The following KLHL1 variants were observed in gnomAD, a reference collection of about 807,000 sequenced individuals.
KLHL1 encodes the protein kelch like family member 1.
In KLHL1, 47 loss-of-function variants were observed where a neutral mutation model predicts 77.7. The observed-to-expected ratio is 0.60, with a 90% CI of 0.48 to 0.77. The LOEUF (loss-of-function observed/expected upper bound fraction) is 0.77, where lower values mean the gene tolerates loss of function less well. KLHL1 is among the 30% of genes least tolerant of loss of function. The pLI is 0.00. For synonymous variants in KLHL1, 360 were observed against 325.2 expected (o/e 1.11, Z -1.15); for missense variants, 925 against 910.8 (o/e 1.02, Z -0.20).
At chr13:69,722,820 G>A (rs1118695) in intron 8 of KLHL1, among the ~76,000 whole-genome samples, 134,000 of 151,994 alleles carry the variant, frequency 0.88, 59,349 homozygotes, top group East Asian at 0.99. Context: ...ACTACTTGGT[G>A]TATATTCAAA....
chr13:69,922,452 G>A (rs548156639), intron 4 of KLHL1, among the ~76,000 whole-genome samples: 10 of 118,364 alleles, frequency 8.4e-5, no homozygotes, highest in Non-Finnish European at 1.7e-4. Flanking sequence ...GTAGGTCCGA[G>A]TTTATAAAAA....
chr13:69,757,454 A>C (rs535462765), intron 7 of KLHL1, among the ~76,000 whole-genome samples: 1 of 152,300 alleles, frequency 6.6e-6, no homozygotes, highest in South Asian at 2.1e-4. Flanking sequence ...AAGGTTAAGC[A>C]TCATGTATTA....
chr13:69,964,056 T>TTTG (rs1566451510), intron 2 of KLHL1, among the ~76,000 whole-genome samples: 1 of 151,176 alleles, frequency 6.6e-6, no homozygotes, highest in African/African-American at 2.4e-5. Flanking sequence ...TTTGTTTGTT[T>TTTG]TTTTAAAAAT....
chr13:69,831,987 A>C (rs1878780431), intron 6 of KLHL1, among the ~76,000 whole-genome samples: 1 of 150,218 alleles, frequency 6.7e-6, no homozygotes, highest in African/African-American at 2.5e-5. Flanking sequence ...CCCACAGTCA[A>C]CATTATACTG....
chr13:70,008,347 G>C (rs1197643078), intron 1 of KLHL1, among the ~76,000 whole-genome samples: 1 of 151,934 alleles, frequency 6.6e-6, no homozygotes, highest in Non-Finnish European at 1.5e-5. Flanking sequence ...GTGCCTCATA[G>C]CTTGATTTCA....
At chr13:70,075,569 G>GTGTGTGTATATATATATA (rs761519216) in intron 1 of KLHL1, among the ~76,000 whole-genome samples, 3 of 106,664 alleles carry the variant, frequency 2.8e-5, no homozygotes, top group African/African-American at 1.1e-4. Flanking sequence ...GTGTGTATGT[G>GTGTGTGTATATATATATA]TATATATATA....
In KLHL1 at chr13:69,701,710, G is replaced by C. The variant is rs762261196; in HGVS notation, c.2239C>G (p.Gln747Glu). Residue 747 changes from glutamine (Q) to glutamate (E), a missense_variant, in exon 11 of 11, where the codon CAA (glutamine) becomes GAA (glutamate). Gln to Glu is a conservative substitution (Grantham distance 29). Coordinates refer to ENST00000377844, the MANE Select transcript of KLHL1 (RefSeq NM_020866.3). ...RAGACVVVIKQP is the reference protein window; with the variant it reads ...RAGACVVVIKEP Reference sequence around the variant, plus strand: ...AGTAAAATATCAATAAGTCAAGGTTGCTTGATGACTACCACACAGGCACCT... The same window carrying C: ...AGTAAAATATCAATAAGTCAAGGTTCCTTGATGACTACCACACAGGCACCT... 6 of 1,606,734 alleles carry C rather than the reference G, an allele frequency of 3.7e-6. No individual in the cohort carries two copies. Among genetic ancestry groups the C allele is most frequent in the Non-Finnish European group, 5.1e-6 (6 of 1,175,280 alleles).
intron 6 of KLHL1, among the ~76,000 whole-genome samples, chr13:69,798,381 TA>T (rs1877222817): frequency 6.6e-6 from 1 of 152,148 alleles, no homozygotes; most frequent in Non-Finnish European, 1.5e-5. Context: ...CTAATTAAAG[TA>T]AAAACGATAC....
At chr13:69,870,175 A>T (rs948140176) in intron 5 of KLHL1, among the ~76,000 whole-genome samples, 1 of 152,192 alleles carries the variant, frequency 6.6e-6, no homozygotes, top group Non-Finnish European at 1.5e-5. Context: ...TGGCATGAGC[A>T]TCTGCTTTAG....
chr13:69,705,309 A>G (rs1009011749), intron 10 of KLHL1, among the ~76,000 whole-genome samples: 1 of 151,738 alleles, frequency 6.6e-6, no homozygotes, highest in African/African-American at 2.4e-5. Flanking sequence ...ACGTGTATCT[A>G]TACATATGGT....
chr13:69,879,534 A>T (rs1464742917), intron 5 of KLHL1, among the ~76,000 whole-genome samples: 1 of 152,170 alleles, frequency 6.6e-6, no homozygotes, highest in African/African-American at 2.4e-5. Flanking sequence ...ATCATTCGAA[A>T]AAAAGCATGG....
intron 1 of KLHL1, among the ~76,000 whole-genome samples, chr13:70,029,257 T>G (rs528493096): frequency 2.3e-4 from 35 of 152,214 alleles, no homozygotes; most frequent in African/African-American, 7.7e-4. Flanking sequence ...TGGAAATGGC[T>G]GAATATATGG....
chr13:70,017,543 C>A (rs763457866), intron 1 of KLHL1, among the ~76,000 whole-genome samples: 1 of 152,242 alleles, frequency 6.6e-6, no homozygotes, highest in African/African-American at 2.4e-5. Flanking sequence ...ACACCCCTCA[C>A]TGCTCCACAC....
chr13:69,712,231 G>T (rs1200713744), intron 9 of KLHL1, among the ~76,000 whole-genome samples: 3 of 148,292 alleles, frequency 2.0e-5, no homozygotes, highest in African/African-American at 7.4e-5. Flanking sequence ...ATCCTATGTA[G>T]GTCCAGGTTA....
intron 5 of KLHL1, among the ~76,000 whole-genome samples, chr13:69,880,807 A>G (rs1274111685): frequency 6.6e-6 from 1 of 152,170 alleles, no homozygotes; most frequent in African/African-American, 2.4e-5. Flanking sequence ...GATTTTGTGC[A>G]CAACATAATT....
chr13:70,034,335 A>C (rs2501204), intron 1 of KLHL1, among the ~76,000 whole-genome samples: 95,289 of 152,044 alleles, frequency 0.63, 30,460 homozygotes, highest in East Asian at 0.8. Context: ...AAAAACACAG[A>C]AATTCTCTTC....
intron 5 of KLHL1, among the ~76,000 whole-genome samples, chr13:69,853,285 A>T (rs1238453606): frequency 6.6e-6 from 1 of 151,938 alleles, no homozygotes; most frequent in Non-Finnish European, 1.5e-5. Context: ...CCTGATAGTG[A>T]GTGAGTTCTC....
intron 7 of KLHL1, among the ~76,000 whole-genome samples, chr13:69,774,672 A>AC (rs1566236563): frequency 1.3e-5 from 2 of 149,088 alleles, no homozygotes; most frequent in African/African-American, 4.9e-5. Flanking sequence ...ATAAAAAAAA[A>AC]CACACACACA....
At chr13:69,901,387 T>TA (rs1248882268) in intron 4 of KLHL1, among the ~76,000 whole-genome samples, 1 of 152,198 alleles carries the variant, frequency 6.6e-6, no homozygotes, top group Non-Finnish European at 1.5e-5. Flanking sequence ...CTAGAGTAGG[T>TA]AAATTAATTT....
Sources: gnomAD v4.1 joint callset for allele counts (sites outside exome capture counted in the v4.1 genomes callset) on GRCh38, gnomAD v4.1.1 for gene constraint, MANE v1.5 for transcripts, NCBI Gene and HGNC (gene_info 2026-07-23, HGNC 2026-07-21) for gene names.